Variants in SLC25A12 observed in about 807,000 individuals in gnomAD.
The protein encoded by SLC25A12 is electrogenic aspartate/glutamate antiporter SLC25A12, mitochondrial.
In SLC25A12, 32 loss-of-function variants were observed where a neutral mutation model predicts 83.3. That is an observed-to-expected ratio of 0.38 (90% CI 0.29 to 0.52). The LOEUF (loss-of-function observed/expected upper bound fraction) is 0.52, where lower values mean the gene tolerates loss of function less well. SLC25A12 is among the 20% of genes least tolerant of loss of function. The probability of loss-of-function intolerance (pLI) is 0.84; values close to 1 mark genes in which losing one functional copy is unlikely to be tolerated. For synonymous variants in SLC25A12, 267 were observed against 291.1 expected (o/e 0.92, Z 0.84); for missense variants, 611 against 835.6 (o/e 0.73, Z 3.31).
intron 3 of SLC25A12, among the ~76,000 whole-genome samples, chr2:171,862,448 T>C (rs1385467682): frequency 1.3e-5 from 2 of 152,226 alleles, no homozygotes; most frequent in African/African-American, 2.4e-5. Context: ...ATTTATAATA[T>C]ATAATGCTGT....
rs549328267 is a variant in SLC25A12 at position 171,827,731 on chromosome 2, C to T, written c.846-849G>A. On this transcript the variant is annotated intron_variant, in intron 8 of 17. Transcript: ENST00000422440. ...CTTTGTTTGTGCGTTTTGTCCAATT[C>T]TTTGTTCAATATGCCAAGAAACTGG... 3.3e-5 allele frequency among the ~76,000 whole-genome samples: 5 copies of T among 152,312 alleles called. No individual in the cohort carries two copies. In the South Asian group the frequency reaches 1.0e-3, roughly 32 times the overall value.
At chr2:171,852,654 AC>A in intron 4 of SLC25A12, 1 of 455,018 alleles carries the variant, frequency 2.2e-6, no homozygotes, top group Non-Finnish European at 4.4e-6. Flanking sequence ...GTGGTTACAA[AC>A]ATGAAAACTG....
At chr2:171,843,628 T>A (rs1032548555) in intron 5 of SLC25A12, among the ~76,000 whole-genome samples, 1 of 151,292 alleles carries the variant, frequency 6.6e-6, no homozygotes, top group Non-Finnish European at 1.5e-5. Context: ...CCAGACTCTG[T>A]CTCAAAAAAA....
At chr2:171,815,960 T>C (rs184463931) in intron 9 of SLC25A12, among the ~76,000 whole-genome samples, 1 of 151,536 alleles carries the variant, frequency 6.6e-6, no homozygotes, top group African/African-American at 2.4e-5. Flanking sequence ...AAATTACACA[T>C]AAGATGTATT....
chr2:171,829,263 T>G (rs2105881225), intron 8 of SLC25A12, among the ~76,000 whole-genome samples: 1 of 152,280 alleles, frequency 6.6e-6, no homozygotes, highest in Middle Eastern at 3.4e-3. Flanking sequence ...TAGACCTATT[T>G]TGCAAAAGGC....
chr2:171,872,336 T>C (rs1271365517), intron 2 of SLC25A12, among the ~76,000 whole-genome samples: 1 of 152,220 alleles, frequency 6.6e-6, no homozygotes, highest in African/African-American at 2.4e-5. Flanking sequence ...GTAAGGTATT[T>C]ACACTAATAG....
intron 8 of SLC25A12, 104 bp downstream of exon 8, chr2:171,833,859 T>C: frequency 1.4e-6 from 1 of 737,504 alleles, no homozygotes; most frequent in Middle Eastern, 3.7e-4. Context: ...ACTATTCAAA[T>C]ACATGGAAAA....
intron 3 of SLC25A12, among the ~76,000 whole-genome samples, chr2:171,867,956 T>C (rs943301312): frequency 3.3e-5 from 5 of 152,112 alleles, no homozygotes; most frequent in Admixed American, 6.5e-5. Flanking sequence ...GACATTCTCC[T>C]ATCTCAGGCT....
intron 3 of SLC25A12, among the ~76,000 whole-genome samples, chr2:171,862,809 G>A (rs1449018719): frequency 6.6e-6 from 1 of 152,182 alleles, no homozygotes. Context: ...TTTTGGAGCA[G>A]GAAACAACGT....
At chr2:171,890,222 C>T (rs1258105715) in intron 2 of SLC25A12, among the ~76,000 whole-genome samples, 1 of 152,164 alleles carries the variant, frequency 6.6e-6, no homozygotes, top group African/African-American at 2.4e-5. Context: ...AGCAAATAAT[C>T]CTTTGTAAAT....
In SLC25A12 at chr2:171,784,301, GCAATCAGTAGT is replaced by G. The variant is rs1173433070; in HGVS notation, c.*962_*972del. On this transcript the variant is annotated 3_prime_UTR_variant, in exon 18 of 18. Transcript: ENST00000422440. ...GGGCGAACCCGATCATGAGTTATTT[GCAATCAGTAGT>G]CAATCAGAACAAAAAGTATTATCAG... is the stretch of plus-strand genomic sequence containing the variant. The G allele has an allele frequency of 6.6e-6, 1 of 152,200 alleles. No homozygotes were observed. Among genetic ancestry groups the G allele is most frequent in the Non-Finnish European group, 1.5e-5 (1 of 68,046 alleles). 9.4% of individuals were successfully genotyped at this position (152,200 alleles called of 1,614,324 possible).
At chr2:171,884,198 T>C (rs1046392136) in intron 2 of SLC25A12, among the ~76,000 whole-genome samples, 28 of 149,644 alleles carry the variant, frequency 1.9e-4, no homozygotes, top group African/African-American at 6.6e-4. Context: ...GGCTTTTTTT[T>C]TTTTCCCCCC....
At chr2:171,859,332 T>C (rs1685104391) in intron 3 of SLC25A12, among the ~76,000 whole-genome samples, 2 of 152,164 alleles carry the variant, frequency 1.3e-5, no homozygotes, top group South Asian at 4.1e-4. Context: ...ATCAGCCTGT[T>C]ATGGTGACAC....
chr2:171,846,907 T>C (rs997905702), intron 4 of SLC25A12, among the ~76,000 whole-genome samples: 4 of 152,196 alleles, frequency 2.6e-5, no homozygotes, highest in Non-Finnish European at 5.9e-5. Context: ...ACTTTAGATA[T>C]CCTATTTCAT....
chr2:171,855,972 AT>A, intron 3 of SLC25A12, 23 bp from the exon 4 acceptor site: 1 of 1,252,268 alleles, frequency 8.0e-7, no homozygotes, highest in East Asian at 2.3e-5. Flanking sequence ...ATAAAACGTC[AT>A]TGGCTGGTGA....
intron 2 of SLC25A12, among the ~76,000 whole-genome samples, chr2:171,876,820 C>CT (rs1281024630): frequency 6.6e-6 from 1 of 152,150 alleles, no homozygotes; most frequent in Non-Finnish European, 1.5e-5. Context: ...CTCCAAGTAA[C>CT]TTTAGAGTTT....
At chr2:171,832,234 G>C (rs1404801528) in intron 8 of SLC25A12, among the ~76,000 whole-genome samples, 1 of 152,034 alleles carries the variant, frequency 6.6e-6, no homozygotes, top group Admixed American at 6.6e-5. Flanking sequence ...TTGTCTTTTG[G>C]TTCCCCAGTA....
At chr2:171,834,601 T>C in intron 7 of SLC25A12, 126 bp downstream of exon 7, 1 of 1,085,894 alleles carries the variant, frequency 9.2e-7, no homozygotes, top group Admixed American at 1.9e-5. Flanking sequence ...AAGTAAAGCA[T>C]ACATACACAT....
Position 171,785,346 on chromosome 2 carries a change from A to G in SLC25A12, c.1965T>C (p.Leu655=). 1 of 1,614,196 alleles carries G rather than the reference A, an allele frequency of 6.2e-7. No homozygotes were observed. Residue 655 remains leucine, a synonymous_variant, in exon 18 of 18, where the codon CTT becomes CTC. Transcript: ENST00000422440. ...TFAGIENKFG[L]YLPKFKSPSV... ...TAGGAGACTTAAATTTCGGGAGATA[A>G]AGGCCAAATTTGTTTTCGATGCCTG...
Sources: gnomAD v4.1 joint callset for allele counts (sites outside exome capture counted in the v4.1 genomes callset) on GRCh38, gnomAD v4.1.1 for gene constraint, MANE v1.5 for transcripts, NCBI Gene and HGNC (gene_info 2026-07-23, HGNC 2026-07-21) for gene names.